The following LSM14A variants were observed in gnomAD, a reference collection of about 807,000 sequenced individuals.
LSM14A encodes the protein protein LSM14 homolog A.
In LSM14A, 14 loss-of-function variants were observed where a neutral mutation model predicts 52.4. The observed-to-expected ratio is 0.27, with a 90% CI of 0.18 to 0.42. The LOEUF (loss-of-function observed/expected upper bound fraction) is 0.42. Ranked by LOEUF, LSM14A falls within the 10% of genes least tolerant of loss-of-function variation. LSM14A has a pLI of 1.00. For synonymous variants in LSM14A, 185 were observed against 200.3 expected, an observed-to-expected ratio of 0.92 and a Z score of 0.64; for missense variants, 417 against 581.8, an observed-to-expected ratio of 0.72 and a Z score of 2.91.
chr19:34,179,612 A>G (rs987107453), intron 1 of LSM14A, among the ~76,000 whole-genome samples: 2 of 152,138 alleles, frequency 1.3e-5, no homozygotes, highest in African/African-American at 2.4e-5. Context: ...TTCATTTTCT[A>G]GTAGGGGTAA....
At position 34,217,731 on chromosome 19, in the gene LSM14A, G is replaced by A. The variant is rs2072759665; in HGVS notation, c.782-1660G>A. On this transcript the variant is annotated intron_variant, in intron 6 of 9. Transcript: ENST00000544216. ...TGCAACCTCCACCGCCCGGGTTCAT[G>A]CCATTCTCCTGCCTCACCCTCCTGA... 2.8e-5 allele frequency among the ~76,000 whole-genome samples: 4 copies of A among 142,430 alleles called. No homozygotes were observed. The Admixed American group carries it at 2.9e-4, about 10-fold the overall frequency. The allele number at this position is 142,430 out of a possible 152,430, so 93.4% of individuals were successfully genotyped here.
At chr19:34,208,419 T>C (rs1237738188) in intron 3 of LSM14A, 1 of 152,282 alleles carries the variant, frequency 6.6e-6, no homozygotes, top group East Asian at 1.9e-4. Flanking sequence ...CAGAACTTTT[T>C]GCAGCTGCTT....
chr19:34,191,148 CTGT>C (rs1241775962), intron 1 of LSM14A, among the ~76,000 whole-genome samples: 1 of 152,070 alleles, frequency 6.6e-6, no homozygotes, highest in Non-Finnish European at 1.5e-5. Context: ...GCTGCATTGA[CTGT>C]TGTTGCATTT....
chr19:34,185,633 G>A (rs1759092), intron 1 of LSM14A, among the ~76,000 whole-genome samples: 91,080 of 152,008 alleles, frequency 0.6, 28,080 homozygotes, highest in African/African-American at 0.68. Flanking sequence ...GTACTGCGTT[G>A]TAGAAGAGGT....
chr19:34,194,503 A>G lies in LSM14A; in HGVS notation c.147A>G (p.Arg49=). Residue 49 remains arginine (R), a synonymous_variant, in exon 2 of 10, where the codon AGA becomes AGG. Coordinates refer to ENST00000544216, the MANE Select transcript of LSM14A (RefSeq NM_015578.4). ...TTCGATCCTTTGGTACAGAAGACAG[A>G]CCGACAGATCGTCCAATACCACCTC... ...AKVRSFGTED[R]PTDRPIPPRD... 6.2e-7 allele frequency: 1 copy of G among 1,614,162 alleles called. No homozygotes were observed. The highest frequency in any genetic ancestry group is 8.5e-7 in the Non-Finnish European group (1 of 1,180,018).
chr19:34,192,319 G>T (rs3119813), intron 1 of LSM14A, among the ~76,000 whole-genome samples: 3,917 of 53,462 alleles, frequency 0.073, 308 homozygotes, highest in Non-Finnish European at 0.092. Flanking sequence ...TCTTTTTGTT[G>T]TTTTTTTTTT....
In LSM14A at chr19:34,219,766, T is replaced by C; in HGVS notation, c.1025T>C (p.Val342Ala). ...VNGEDKGDSG[V>A]DTQNSEGNAD... ...GGTGAAGATAAAGGAGACTCAGGAG[T>C]TGATACCCAAAACAGTGAAGGAAAT... is the stretch of plus-strand genomic sequence containing the variant. Residue 342 changes from valine (V) to alanine (A), a missense_variant, in exon 8 of 10, where the codon GTT (valine) becomes GCT (alanine). Val to Ala is a moderately conservative substitution (Grantham distance 64). Coordinates refer to ENST00000544216, the MANE Select transcript of LSM14A (RefSeq NM_015578.4). The C allele has an allele frequency of 1.2e-6, 2 of 1,613,698 alleles. No homozygotes were observed. The highest frequency in any genetic ancestry group is 1.7e-6 in the Non-Finnish European group (2 of 1,179,818).
At chr19:34,183,154 C>T (rs149483962) in intron 1 of LSM14A, among the ~76,000 whole-genome samples, 359 of 152,318 alleles carry the variant, frequency 2.4e-3, no homozygotes, top group African/African-American at 8.4e-3. Flanking sequence ...AGAGAGTCAA[C>T]ATTAAATTTA....
chr19:34,200,094 G>T (rs2071184749), intron 3 of LSM14A, among the ~76,000 whole-genome samples: 1 of 152,184 alleles, frequency 6.6e-6, no homozygotes, highest in African/African-American at 2.4e-5. Flanking sequence ...ACCTTTGTGG[G>T]GTTCTTGCTG....
rs764025831 is a variant in LSM14A at position 34,221,626 on chromosome 19, G to T, written c.1256G>T (p.Gly419Val). The change falls in exon 9 of 10, where the codon GGT (glycine) becomes GTT (valine). Residue 419 changes from glycine (G) to valine (V), a missense_variant. Gly to Val is a moderately radical substitution (Grantham distance 109, BLOSUM62 -3). Transcript: ENST00000544216. ...YRGRGGLGFR[G>V]GRGRGGGRGG... ...GGCAGAGGAGGTCTTGGTTTCCGTG[G>T]TGGCAGAGGGCGTGGTGGTGGCAGA... The T allele has an allele frequency of 1.2e-6, 2 of 1,614,028 alleles. No homozygotes were observed. Among genetic ancestry groups the T allele is most frequent in the African/African-American group, 1.3e-5 (1 of 74,908 alleles).
At chr19:34,190,612 A>G (rs1319462834) in intron 1 of LSM14A, among the ~76,000 whole-genome samples, 3 of 151,224 alleles carry the variant, frequency 2.0e-5, no homozygotes, top group Non-Finnish European at 2.9e-5. Context: ...AGATACTACT[A>G]CTGTCTGTTG....
chr19:34,206,244 G>C (rs1457784990), intron 3 of LSM14A, among the ~76,000 whole-genome samples: 3 of 152,166 alleles, frequency 2.0e-5, no homozygotes, highest in African/African-American at 7.2e-5. Context: ...CATGATGCAT[G>C]CCTGTAGTCC....
At chr19:34,184,447 T>C (rs1041536012) in intron 1 of LSM14A, among the ~76,000 whole-genome samples, 6 of 152,372 alleles carry the variant, frequency 3.9e-5, no homozygotes, top group African/African-American at 1.4e-4. Context: ...AACAACTGTA[T>C]TTCTCTATAT....
intron 1 of LSM14A, among the ~76,000 whole-genome samples, chr19:34,177,582 G>A (rs1312701658): frequency 6.6e-6 from 1 of 152,108 alleles, no homozygotes; most frequent in Non-Finnish European, 1.5e-5. Flanking sequence ...TGCCTGCTCT[G>A]GCATAATTAT....
intron 9 of LSM14A, among the ~76,000 whole-genome samples, chr19:34,224,288 G>A (rs12978747): frequency 0.14 from 20,779 of 152,114 alleles, 1,758 homozygotes; most frequent in Middle Eastern, 0.25. Flanking sequence ...CCGAGATCAC[G>A]CCACTGTACT....
chr19:34,175,648 G>A (rs2069032936), intron 1 of LSM14A, among the ~76,000 whole-genome samples: 3 of 152,034 alleles, frequency 2.0e-5, no homozygotes, highest in Admixed American at 6.6e-5. Context: ...TTATCTAATC[G>A]AAAACTACAT....
At chr19:34,173,349 G>T (rs2068850466) in intron 1 of LSM14A, among the ~76,000 whole-genome samples, 1 of 152,136 alleles carries the variant, frequency 6.6e-6, no homozygotes, top group African/African-American at 2.4e-5. Flanking sequence ...CTGTTAAACC[G>T]GAATCCTCAA....
chr19:34,224,186 G>T (rs1304922528), intron 9 of LSM14A, among the ~76,000 whole-genome samples: 2 of 152,130 alleles, frequency 1.3e-5, no homozygotes, highest in Admixed American at 1.3e-4. Flanking sequence ...AAAAAAATTA[G>T]CCGGGCGTGG....
intron 1 of LSM14A, among the ~76,000 whole-genome samples, chr19:34,175,309 T>G (rs2069005468): frequency 6.6e-6 from 1 of 151,986 alleles, no homozygotes; most frequent in Admixed American, 6.6e-5. Context: ...TGGCTCCCTG[T>G]AACCTCTGCC....
Sources: allele counts gnomAD v4.1 joint callset (sites outside exome capture counted in the v4.1 genomes callset), GRCh38; gene constraint gnomAD v4.1.1; transcripts MANE v1.5; gene names NCBI Gene and HGNC (gene_info 2026-07-23, HGNC 2026-07-21).